The following ARB2A variants were observed in gnomAD, a reference collection of about 807,000 sequenced individuals.
The protein encoded by ARB2A is ARB2 cotranscriptional regulator A.
chr5:93,621,243 G>A, the ARB2A span: 19 of 829,294 alleles, frequency 2.3e-5, no homozygotes, highest in East Asian at 4.3e-5. Context: ...GCCCCTCCCC[G>A]CCCCTCCCGC....
At chr5:93,709,272 G>T in the ARB2A span, among the ~76,000 whole-genome samples, 1 of 152,030 alleles carries the variant, frequency 6.6e-6, no homozygotes. Context: ...TTACCCCATG[G>T]TTGGTAGATA....
chr5:93,774,726 T>A, the ARB2A span, among the ~76,000 whole-genome samples: 4 of 152,288 alleles, frequency 2.6e-5, 1 homozygote, highest in Admixed American at 2.6e-4. Flanking sequence ...GGAGAAAATA[T>A]GTGTTAGCTT....
chr5:93,760,749 A>T, the ARB2A span, among the ~76,000 whole-genome samples: 43 of 152,242 alleles, frequency 2.8e-4, no homozygotes, highest in Non-Finnish European at 8.8e-5. Context: ...ACAAAAATCA[A>T]CTTAAGATGG....
chr5:93,790,967 T>C, the ARB2A span, among the ~76,000 whole-genome samples: 1 of 152,154 alleles, frequency 6.6e-6, no homozygotes, highest in Non-Finnish European at 1.5e-5. Flanking sequence ...ATGTAAGAAA[T>C]CAATAATGTC....
the ARB2A span, among the ~76,000 whole-genome samples, chr5:93,967,967 C>A: frequency 6.6e-6 from 1 of 151,626 alleles, no homozygotes; most frequent in African/African-American, 2.4e-5. Context: ...TTTTTAAGGA[C>A]CCTAGAAAAA....
chr5:93,800,497 A>G, the ARB2A span, among the ~76,000 whole-genome samples: 5 of 151,868 alleles, frequency 3.3e-5, no homozygotes, highest in African/African-American at 1.2e-4. Flanking sequence ...TGTTTAATTA[A>G]TTAGGAGAAC....
At chr5:93,711,080 A>C in the ARB2A span, among the ~76,000 whole-genome samples, 2 of 152,196 alleles carry the variant, frequency 1.3e-5, no homozygotes, top group Non-Finnish European at 2.9e-5. Flanking sequence ...ACATTTTTGA[A>C]AGCATTCCTA....
At chr5:93,958,738 T>A in the ARB2A span, 10 of 1,427,686 alleles carry the variant, frequency 7.0e-6, no homozygotes, top group South Asian at 1.2e-4. Context: ...AACAGTACTA[T>A]AAAATGCCAA....
At chr5:93,843,450 C>G in the ARB2A span, among the ~76,000 whole-genome samples, 5 of 126,838 alleles carry the variant, frequency 3.9e-5, no homozygotes, top group Non-Finnish European at 7.9e-5. Context: ...GAGACAGGGT[C>G]TCACTCTGTC....
At chr5:94,074,318 G>A in the ARB2A span, among the ~76,000 whole-genome samples, 1 of 151,952 alleles carries the variant, frequency 6.6e-6, no homozygotes, top group East Asian at 1.9e-4. Context: ...CCCTAATCCA[G>A]TATGACATTC....
At chr5:93,651,205 G>A in the ARB2A span, among the ~76,000 whole-genome samples, 1 of 151,956 alleles carries the variant, frequency 6.6e-6, no homozygotes, top group East Asian at 1.9e-4. Context: ...GTGCAACCAG[G>A]GCTCAACACA....
the ARB2A span, among the ~76,000 whole-genome samples, chr5:94,038,890 A>G: frequency 6.6e-6 from 1 of 151,954 alleles, no homozygotes; most frequent in African/African-American, 2.4e-5. Context: ...TTCAATCTTG[A>G]GCATATCAAA....
chr5:94,002,622 T>C, the ARB2A span, among the ~76,000 whole-genome samples: 1 of 152,106 alleles, frequency 6.6e-6, no homozygotes, highest in Non-Finnish European at 1.5e-5. Context: ...GCTTTAAAAG[T>C]TTCTTCTGCT....
chr5:93,705,592 G>GA, the ARB2A span, among the ~76,000 whole-genome samples: 2 of 145,830 alleles, frequency 1.4e-5, no homozygotes, highest in African/African-American at 2.5e-5. Flanking sequence ...TTTAACTGAA[G>GA]AAAAAATTGG....
chr5:93,634,962 T>G, the ARB2A span, among the ~76,000 whole-genome samples: 382 of 152,174 alleles, frequency 2.5e-3, 2 homozygotes, highest in South Asian at 3.7e-3. Flanking sequence ...TTAGTAGAGA[T>G]GGGGTTTCAC....
chr5:93,661,889 T>C, the ARB2A span, among the ~76,000 whole-genome samples: 3 of 152,072 alleles, frequency 2.0e-5, no homozygotes, highest in Non-Finnish European at 2.9e-5. Flanking sequence ...CTGAAGGCCA[T>C]GCATTTCCTA....
the ARB2A span, among the ~76,000 whole-genome samples, chr5:93,895,226 A>G: frequency 1.3e-4 from 20 of 152,340 alleles, no homozygotes; most frequent in African/African-American, 4.6e-4. Flanking sequence ...GCCACCAGAG[A>G]TAATTATTTC....
chr5:93,743,530 T>C, the ARB2A span: 20 of 984,952 alleles, frequency 2.0e-5, no homozygotes, highest in African/African-American at 3.1e-4. Flanking sequence ...TCTTGAGGTA[T>C]ACTTACATGC....
the ARB2A span, among the ~76,000 whole-genome samples, chr5:93,817,335 A>AAAT: frequency 1.3e-5 from 2 of 152,198 alleles, no homozygotes; most frequent in Non-Finnish European, 2.9e-5. Context: ...AAGAAGACCT[A>AAAT]AATAAACGGA....
Sources: gnomAD v4.1 joint callset for allele counts (sites outside exome capture counted in the v4.1 genomes callset) on GRCh38, gnomAD v4.1.1 for gene constraint, MANE v1.5 for transcripts, NCBI Gene and HGNC (gene_info 2026-07-23, HGNC 2026-07-21) for gene names.